TDRD7: variants seen among roughly 807,000 people sequenced by gnomAD.
TDRD7 encodes tudor domain containing 7.
In TDRD7, 47 loss-of-function variants were observed where a neutral mutation model predicts 109.8. The observed-to-expected ratio is 0.43, with a 90% CI of 0.34 to 0.55. The LOEUF (loss-of-function observed/expected upper bound fraction) is 0.55. Ranked by LOEUF, TDRD7 falls within the 20% of genes least tolerant of loss-of-function variation. The pLI is 0.03. For synonymous variants in TDRD7, 424 were observed against 457.3 expected, an observed-to-expected ratio of 0.93 and a Z score of 0.93; for missense variants, 1,164 against 1,319.2, an observed-to-expected ratio of 0.88 and a Z score of 1.82.
intron 6 of TDRD7, among the ~76,000 whole-genome samples, chr9:97,452,907 G>A (rs1828524367): frequency 1.3e-5 from 2 of 152,200 alleles, no homozygotes; most frequent in Non-Finnish European, 2.9e-5. Flanking sequence ...TTAGAGGTTT[G>A]ATAGGTATGT....
intron 15 of TDRD7, among the ~76,000 whole-genome samples, chr9:97,484,774 C>T (rs1829183747): frequency 6.6e-6 from 1 of 152,160 alleles, no homozygotes; most frequent in Non-Finnish European, 1.5e-5. Context: ...TTGCCTCAAT[C>T]AGAGCTCTTT....
Position 97,495,967 on chromosome 9 carries a change from G to A in TDRD7, c.*84G>A, listed in dbSNP as rs1829391614. 11 of 1,060,796 alleles carry A rather than the reference G, an allele frequency of 1.0e-5. No individual in the cohort carries two copies. The Admixed American group carries it at 1.7e-4, about 17-fold the overall frequency. The allele number at this position is 1,060,796 out of a possible 1,614,324, so 65.7% of individuals were successfully genotyped here. On this transcript the variant is annotated 3_prime_UTR_variant, in exon 17 of 17. Transcript: ENST00000355295. ...TAGGCTTAAAAAAAATCTTAACTCT[G>A]CTACATGGCTCTGACTGCTGTGGGG...
At chr9:97,473,888 T>G (rs2131166237) in intron 11 of TDRD7, among the ~76,000 whole-genome samples, 1 of 152,326 alleles carries the variant, frequency 6.6e-6, no homozygotes, top group East Asian at 1.9e-4. Context: ...GTGCCTGGCA[T>G]GTAGTCAGTG....
chr9:97,442,177 A>G (rs749656823), intron 6 of TDRD7, among the ~76,000 whole-genome samples: 1 of 152,132 alleles, frequency 6.6e-6, no homozygotes, highest in Non-Finnish European at 1.5e-5. Context: ...TGTTACCAGT[A>G]AACACTGATA....
At chr9:97,453,135 A>T (rs768820709) in intron 6 of TDRD7, among the ~76,000 whole-genome samples, 1 of 152,214 alleles carries the variant, frequency 6.6e-6, no homozygotes, top group East Asian at 1.9e-4. Flanking sequence ...TTTAGATAAG[A>T]TGGGTTATCG....
intron 4 of TDRD7, among the ~76,000 whole-genome samples, chr9:97,433,741 A>G (rs946863290): frequency 6.6e-6 from 1 of 152,196 alleles, no homozygotes; most frequent in Non-Finnish European, 1.5e-5. Flanking sequence ...ACAAATGATC[A>G]ACAAGTATAT....
rs909794203 is a variant in TDRD7, at chr9:97,460,252, A to G, written c.930A>G (p.Glu310=). The G allele has an allele frequency of 1.2e-6, 2 of 1,614,228 alleles. No individual in the cohort carries two copies. The highest frequency in any genetic ancestry group is 1.7e-6 in the Non-Finnish European group (2 of 1,180,042). Residue 310 remains glutamate, a synonymous_variant, in exon 7 of 17, where the codon GAA becomes GAG. Coordinates refer to ENST00000355295, the MANE Select transcript of TDRD7 (RefSeq NM_014290.3). ...AGAGAAAGCAGCTTTTGAGAAGTGAACTGGATACTGAGAAAGTACCTCTAT... is the reference window on the plus strand; with the variant it reads ...AGAGAAAGCAGCTTTTGAGAAGTGAGCTGGATACTGAGAAAGTACCTCTAT... ...PAKRKQLLRS[E]LDTEKVPLSP...
chr9:97,451,328 C>G (rs1380051921), intron 6 of TDRD7, among the ~76,000 whole-genome samples: 1 of 152,088 alleles, frequency 6.6e-6, no homozygotes, highest in East Asian at 1.9e-4. Flanking sequence ...TTTGCTCTGT[C>G]CCTTAGGCTG....
chr9:97,481,440 A>G (rs1249760621), intron 14 of TDRD7, among the ~76,000 whole-genome samples: 1 of 152,128 alleles, frequency 6.6e-6, no homozygotes. Flanking sequence ...CTTTTTCTGT[A>G]CTTTTGCATC....
intron 8 of TDRD7, among the ~76,000 whole-genome samples, chr9:97,467,184 C>T (rs1483798038): frequency 1.3e-5 from 2 of 152,162 alleles, no homozygotes; most frequent in African/African-American, 2.4e-5. Flanking sequence ...GGAAGTTCAA[C>T]AAAAGCTAAG....
intron 4 of TDRD7, among the ~76,000 whole-genome samples, chr9:97,433,542 T>G (rs1178771511): frequency 6.6e-6 from 1 of 151,718 alleles, no homozygotes; most frequent in African/African-American, 2.4e-5. Flanking sequence ...CTAAAAAGCT[T>G]CTGCACCACC....
intron 6 of TDRD7, among the ~76,000 whole-genome samples, chr9:97,445,695 C>T (rs1226500812): frequency 6.6e-6 from 1 of 152,102 alleles, no homozygotes; most frequent in East Asian, 1.9e-4. Flanking sequence ...AAGAGAGTTG[C>T]TCAGGAAGAA....
intron 16 of TDRD7, among the ~76,000 whole-genome samples, chr9:97,494,648 G>C (rs1453947580): frequency 6.7e-6 from 1 of 149,916 alleles, no homozygotes. Context: ...ATGTAATCCA[G>C]TATATGTGGA....
At chr9:97,424,414 G>A (rs983785241) in intron 1 of TDRD7, among the ~76,000 whole-genome samples, 17 of 152,060 alleles carry the variant, frequency 1.1e-4, no homozygotes. Flanking sequence ...ATCTATTGAC[G>A]AGAAAGGAGT....
Position 97,484,469 on chromosome 9 carries a change from A to AACAC in TDRD7, c.2915+1139_2915+1142dup, listed in dbSNP as rs66794888. 4.1e-4 allele frequency among the ~76,000 whole-genome samples: 60 copies of AACAC among 147,260 alleles called. 1 individual carries two copies. The highest frequency in any genetic ancestry group is 3.6e-3 in the Middle Eastern group (1 of 278). ...ACACAAAGAACAGTCACCCCTCCCC[A>AACAC]ACACACACACACACACACACACACC... On this transcript the variant is annotated intron_variant, in intron 15 of 16. Coordinates refer to ENST00000355295, the MANE Select transcript of TDRD7 (RefSeq NM_014290.3).
intron 13 of TDRD7, among the ~76,000 whole-genome samples, chr9:97,479,272 C>T (rs1309476199): frequency 6.6e-6 from 1 of 152,184 alleles, no homozygotes; most frequent in Non-Finnish European, 1.5e-5. Context: ...ATGTCTCTCC[C>T]TCCCATCACC....
At chr9:97,443,602 A>G (rs948123096) in intron 6 of TDRD7, among the ~76,000 whole-genome samples, 8 of 152,208 alleles carry the variant, frequency 5.3e-5, no homozygotes, top group Admixed American at 2.6e-4. Flanking sequence ...ACATTGAGGT[A>G]TTCCCTTAGA....
At chr9:97,430,707 A>T (rs1318889961) in intron 2 of TDRD7, among the ~76,000 whole-genome samples, 1 of 152,198 alleles carries the variant, frequency 6.6e-6, no homozygotes, top group Non-Finnish European at 1.5e-5. Context: ...AAATAAATGG[A>T]ATTTTCAGTT....
chr9:97,430,206 A>G (rs1245460294), intron 2 of TDRD7, among the ~76,000 whole-genome samples: 1 of 151,962 alleles, frequency 6.6e-6, no homozygotes, highest in Non-Finnish European at 1.5e-5. Flanking sequence ...TATCATACCA[A>G]TTTTTTCTTT....
Sources: gnomAD v4.1 joint callset for allele counts (sites outside exome capture counted in the v4.1 genomes callset) on GRCh38, gnomAD v4.1.1 for gene constraint, MANE v1.5 for transcripts, NCBI Gene and HGNC (gene_info 2026-07-23, HGNC 2026-07-21) for gene names.